Variants in VEPH1 observed in about 807,000 individuals in gnomAD.
VEPH1 encodes the protein ventricular zone-expressed PH domain-containing protein homolog 1.
VEPH1 carries 80 observed loss-of-function variants against 85.2 expected under a neutral mutation model. The observed-to-expected ratio is 0.94, with a 90% CI of 0.78 to 1.13. VEPH1 has a LOEUF of 1.13. Among genes scored for constraint, VEPH1 ranks in the 50% most tolerant of loss-of-function variants. The probability of loss-of-function intolerance (pLI) is 0.00; values close to 1 mark genes in which losing one functional copy is unlikely to be tolerated. For synonymous variants in VEPH1, 297 were observed against 348.0 expected (o/e 0.85, Z 1.63); for missense variants, 955 against 980.5 (o/e 0.97, Z 0.35).
intron 9 of VEPH1, among the ~76,000 whole-genome samples, chr3:157,331,303 A>C (rs972970722): frequency 3.3e-5 from 5 of 152,012 alleles, no homozygotes; most frequent in African/African-American, 1.2e-4. Flanking sequence ...AGTGAGCCAC[A>C]CTCCTAGGAC....
intron 11 of VEPH1, among the ~76,000 whole-genome samples, chr3:157,287,167 G>A (rs1716885682): frequency 1.3e-5 from 2 of 152,274 alleles, no homozygotes; most frequent in Admixed American, 1.3e-4. Context: ...GAACTCAGGA[G>A]TTCAAGACCA....
chr3:157,413,454 A>G (rs532660967), intron 6 of VEPH1: 1 of 985,256 alleles, frequency 1.0e-6, no homozygotes, highest in South Asian at 4.7e-5. Flanking sequence ...GTGCTTACTG[A>G]TGGTCTCCTG....
At chr3:157,369,309 G>T (rs541686465) in intron 7 of VEPH1, among the ~76,000 whole-genome samples, 1 of 151,656 alleles carries the variant, frequency 6.6e-6, no homozygotes, top group Non-Finnish European at 1.5e-5. Flanking sequence ...AATGTGGAGA[G>T]AAGCAGGGAG....
intron 9 of VEPH1, among the ~76,000 whole-genome samples, chr3:157,358,893 G>T (rs1465034387): frequency 6.6e-6 from 1 of 152,144 alleles, no homozygotes; most frequent in African/African-American, 2.4e-5. Context: ...CTACTCGGGA[G>T]GCTGAGGCAG....
intron 12 of VEPH1, among the ~76,000 whole-genome samples, chr3:157,279,257 G>A (rs1419088803): frequency 6.6e-6 from 1 of 152,178 alleles, no homozygotes; most frequent in Non-Finnish European, 1.5e-5. Context: ...AGCTAGAGGA[G>A]TGTTGTGTCA....
intron 6 of VEPH1, among the ~76,000 whole-genome samples, chr3:157,398,426 G>A (rs951530614): frequency 3.3e-5 from 5 of 151,938 alleles, no homozygotes; most frequent in Non-Finnish European, 5.9e-5. Flanking sequence ...ACGAGGTCAG[G>A]AGATCGAGAC....
Position 157,276,341 on chromosome 3 carries a change from C to A in VEPH1, c.2128+10216G>T, listed in dbSNP as rs533290401. 2.6e-4 allele frequency among the ~76,000 whole-genome samples: 39 copies of A among 152,260 alleles called. No homozygotes were observed. In the South Asian group the frequency reaches 7.7e-3, roughly 30 times the overall value. On this transcript the variant is annotated intron_variant, in intron 12 of 13. Transcript: ENST00000362010. Reference sequence around the variant, plus strand: ...TGTTTCCTGAACTGTGTTGTGAGAACCAGAGAATCAGAATTATCTGCCAGC... The same window carrying A: ...TGTTTCCTGAACTGTGTTGTGAGAAACAGAGAATCAGAATTATCTGCCAGC...
intron 9 of VEPH1, among the ~76,000 whole-genome samples, chr3:157,335,723 CT>C (rs886606024): frequency 6.6e-6 from 1 of 151,900 alleles, no homozygotes; most frequent in Admixed American, 6.6e-5. Context: ...ACTATGCGTA[CT>C]TTTTTTTTCT....
At chr3:157,268,164 A>C (rs1006690010) in intron 12 of VEPH1, among the ~76,000 whole-genome samples, 1 of 152,250 alleles carries the variant, frequency 6.6e-6, no homozygotes, top group Non-Finnish European at 1.5e-5. Flanking sequence ...TTCCATAAAC[A>C]TGGTGATTTC....
chr3:157,486,718 T>G (rs1264087762), intron 2 of VEPH1, among the ~76,000 whole-genome samples: 1 of 152,188 alleles, frequency 6.6e-6, no homozygotes, highest in Non-Finnish European at 1.5e-5. Context: ...GAACAGTTTC[T>G]GGCACACAAT....
chr3:157,437,783 T>G, intron 4 of VEPH1: 2 of 1,472,894 alleles, frequency 1.4e-6, no homozygotes, highest in Non-Finnish European at 1.8e-6. Flanking sequence ...CTGGCGCGTA[T>G]GGAGGGCGCG....
intron 11 of VEPH1, among the ~76,000 whole-genome samples, chr3:157,313,199 C>T (rs1283796927): frequency 6.6e-6 from 1 of 151,982 alleles, no homozygotes; most frequent in East Asian, 1.9e-4. Context: ...CCACCGTGCC[C>T]GGCCAACATT....
At chr3:157,364,218 A>T in intron 8 of VEPH1, 85 bp downstream of exon 8, 3 of 1,082,138 alleles carry the variant, frequency 2.8e-6, no homozygotes, top group Non-Finnish European at 3.9e-6. Flanking sequence ...AAAGATATAT[A>T]AAAAACACCC....
At chr3:157,492,214 A>T (rs1190292686) in intron 2 of VEPH1, among the ~76,000 whole-genome samples, 1 of 152,182 alleles carries the variant, frequency 6.6e-6, no homozygotes, top group Non-Finnish European at 1.5e-5. Context: ...ATGGAGGAGG[A>T]AGAAACCTAA....
At chr3:157,311,179 ATAATTT>A (rs1720071964) in intron 11 of VEPH1, among the ~76,000 whole-genome samples, 1 of 152,228 alleles carries the variant, frequency 6.6e-6, no homozygotes, top group Non-Finnish European at 1.5e-5. Context: ...TATCTCACTG[ATAATTT>A]TTAGTTCTAA....
chr3:157,443,574 T>C (rs1414721099), intron 4 of VEPH1: 1 of 152,624 alleles, frequency 6.6e-6, no homozygotes, highest in African/African-American at 2.4e-5. Context: ...GTAAATAAAA[T>C]ATTTTATAAA....
intron 6 of VEPH1, among the ~76,000 whole-genome samples, chr3:157,406,097 A>G (rs1270675577): frequency 6.6e-6 from 1 of 152,234 alleles, no homozygotes; most frequent in East Asian, 1.9e-4. Context: ...CAATACAAAC[A>G]AAAATAAAAG....
intron 11 of VEPH1, among the ~76,000 whole-genome samples, chr3:157,290,847 A>T (rs1264661092): frequency 6.6e-6 from 1 of 152,216 alleles, no homozygotes; most frequent in Non-Finnish European, 1.5e-5. Flanking sequence ...AGGAATTTGG[A>T]AAACTCTATA....
intron 3 of VEPH1, among the ~76,000 whole-genome samples, chr3:157,465,814 G>A (rs915931124): frequency 1.3e-5 from 2 of 152,230 alleles, no homozygotes; most frequent in Non-Finnish European, 2.9e-5. Flanking sequence ...CAGCAGATCT[G>A]GAGATTATTC....
Sources: allele counts gnomAD v4.1 joint callset (sites outside exome capture counted in the v4.1 genomes callset), GRCh38; gene constraint gnomAD v4.1.1; transcripts MANE v1.5; gene names NCBI Gene and HGNC (gene_info 2026-07-23, HGNC 2026-07-21).